POU6F2: variants seen among roughly 807,000 people sequenced by gnomAD.
POU6F2 encodes the protein POU class 6 homeobox 2.
In POU6F2, 31 loss-of-function variants were observed where a neutral mutation model predicts 71.3. The ratio of observed to expected loss-of-function variants is 0.43; its 90% CI spans 0.33 to 0.59. POU6F2 has a LOEUF of 0.59. Among genes scored for constraint, POU6F2 ranks in the 20% least tolerant of loss-of-function variants. The pLI is 0.04. For missense variants in POU6F2, 783 were observed against 856.8 expected, an observed-to-expected ratio of 0.91 and a Z score of 1.07; for synonymous variants, 347 against 355.7, an observed-to-expected ratio of 0.98 and a Z score of 0.27.
At chr7:38,995,253 G>C (rs549265308) in intron 1 of POU6F2, among the ~76,000 whole-genome samples, 7 of 152,112 alleles carry the variant, frequency 4.6e-5, no homozygotes, top group Non-Finnish European at 8.8e-5. Context: ...TACAAATCAG[G>C]ACAACTTAAT....
chr7:39,144,488 A>G (rs1485124652), intron 2 of POU6F2, among the ~76,000 whole-genome samples: 2 of 152,162 alleles, frequency 1.3e-5, no homozygotes, highest in East Asian at 1.9e-4. Context: ...ATTCTATCAC[A>G]ATTTTCATTC....
At chr7:39,230,279 G>A (rs1207361375) in intron 4 of POU6F2, among the ~76,000 whole-genome samples, 1 of 152,010 alleles carries the variant, frequency 6.6e-6, no homozygotes, top group Non-Finnish European at 1.5e-5. Flanking sequence ...CAGAGTCCAA[G>A]ACCAACCTGA....
chr7:38,980,919 CT>C (rs893499204), intron 1 of POU6F2, among the ~76,000 whole-genome samples: 6 of 152,294 alleles, frequency 3.9e-5, no homozygotes, highest in African/African-American at 1.4e-4. Flanking sequence ...GGACACAGCG[CT>C]GGCTTCACAG....
chr7:39,207,479 C>T lies in POU6F2; in HGVS notation c.457C>T (p.Pro153Ser). The change falls in exon 4 of 10, where the codon CCC becomes TCC. Residue 153 changes from proline to serine, a missense_variant. Physicochemically the swap from Pro to Ser is moderately conservative, Grantham distance 74 (BLOSUM62 -1). Transcript: ENST00000518318. ...PPALNQPILI[P>S]FNMAGQLGGQ... ...AGCCCTCAACCAGCCAATCCTCATT[C>T]CCTTCAACATGGCGGGACAGCTAGG... 2 of 1,614,016 alleles carry T rather than the reference C, an allele frequency of 1.2e-6. No individual in the cohort carries two copies. Among genetic ancestry groups the T allele is most frequent in the Non-Finnish European group, 1.7e-6 (2 of 1,179,882 alleles).
chr7:39,253,551 G>T (rs895543644), intron 4 of POU6F2, among the ~76,000 whole-genome samples: 16 of 152,218 alleles, frequency 1.1e-4, no homozygotes, highest in Admixed American at 3.3e-4. Context: ...ATGAGGGAAT[G>T]AAATTACAGA....
At chr7:39,311,721 G>T (rs1785169092) in intron 4 of POU6F2, among the ~76,000 whole-genome samples, 1 of 152,188 alleles carries the variant, frequency 6.6e-6, no homozygotes, top group South Asian at 2.1e-4. Context: ...AAAGCCACAG[G>T]CGAAGGCTGT....
chr7:39,251,996 T>G (rs555082907), intron 4 of POU6F2, among the ~76,000 whole-genome samples: 1 of 152,208 alleles, frequency 6.6e-6, no homozygotes, highest in African/African-American at 2.4e-5. Context: ...GCCTGTTGCC[T>G]CTGATCCATC....
chr7:39,192,354 C>T lies in POU6F2; in HGVS notation c.278-11881C>T, dbSNP rs573516508. Among the ~76,000 whole-genome samples the T allele has an allele frequency of 7.2e-5, 11 of 152,112 alleles. No individual in the cohort carries two copies. The South Asian group carries it at 1.9e-3, about 26-fold the overall frequency. On this transcript the variant is annotated intron_variant, in intron 2 of 9. Transcript: ENST00000518318. The stretch of plus-strand genomic sequence containing the variant: ...TTTAAGGGATTTAAAATTTTCATTC[C>T]CCTAATTTAAAGTGGTGCTTTGGCT...
intron 2 of POU6F2, among the ~76,000 whole-genome samples, chr7:39,118,166 A>G (rs1477658414): frequency 6.6e-6 from 1 of 152,176 alleles, no homozygotes; most frequent in African/African-American, 2.4e-5. Flanking sequence ...AGATTTTGAC[A>G]TTGAGTGTTC....
chr7:39,385,072 C>T (rs1032347038), intron 5 of POU6F2, among the ~76,000 whole-genome samples: 2 of 152,172 alleles, frequency 1.3e-5, no homozygotes, highest in Non-Finnish European at 2.9e-5. Flanking sequence ...ATATAATACT[C>T]ATAAGCAGAG....
chr7:39,260,152 A>C (rs1223268066), intron 4 of POU6F2, among the ~76,000 whole-genome samples: 9 of 146,934 alleles, frequency 6.1e-5, no homozygotes, highest in Non-Finnish European at 8.9e-5. Context: ...CTCTGTACTC[A>C]TACACACACC....
At chr7:39,171,504 A>C (rs1793218439) in intron 2 of POU6F2, among the ~76,000 whole-genome samples, 1 of 152,210 alleles carries the variant, frequency 6.6e-6, no homozygotes, top group African/African-American at 2.4e-5. Flanking sequence ...CATTGTTAGC[A>C]AGCATCTCTC....
At chr7:39,424,300 A>G (rs954321589) in intron 6 of POU6F2, among the ~76,000 whole-genome samples, 2 of 152,198 alleles carry the variant, frequency 1.3e-5, no homozygotes, top group Non-Finnish European at 2.9e-5. Context: ...GCTGGAGATA[A>G]CATTTTGCAC....
chr7:39,139,446 C>A (rs980737178), intron 2 of POU6F2, among the ~76,000 whole-genome samples: 3 of 152,164 alleles, frequency 2.0e-5, no homozygotes, highest in African/African-American at 7.2e-5. Context: ...TAGAAACAAC[C>A]ATCACTCTTG....
intron 8 of POU6F2, among the ~76,000 whole-genome samples, chr7:39,455,982 G>A (rs1343586187): frequency 2.6e-5 from 4 of 152,196 alleles, no homozygotes; most frequent in Non-Finnish European, 5.9e-5. Context: ...CCCCAGGCCA[G>A]TTAATTCCTC....
chr7:39,467,722 A>G lies in POU6F2; in HGVS notation c.*3036A>G, dbSNP rs1389630123. ...ATCACACAGATGCACACACACATAC[A>G]CATACAACACAAAAGAGAGAACAAA... is the stretch of plus-strand genomic sequence containing the variant. On this transcript the variant is annotated 3_prime_UTR_variant, in exon 10 of 10. Coordinates refer to ENST00000518318, the MANE Select transcript of POU6F2 (RefSeq NM_001370959.1). 1 of 152,220 alleles carries G rather than the reference A, an allele frequency of 6.6e-6. No individual in the cohort carries two copies. The highest frequency in any genetic ancestry group is 1.5e-5 in the Non-Finnish European group (1 of 68,048). 9.4% of individuals were successfully genotyped at this position (152,220 alleles called of 1,614,324 possible).
intron 1 of POU6F2, among the ~76,000 whole-genome samples, chr7:39,056,378 G>A (rs775848354): frequency 6.6e-6 from 1 of 151,734 alleles, no homozygotes; most frequent in Non-Finnish European, 1.5e-5. Flanking sequence ...TTTTATAGAG[G>A]TTATTCTTTC....
intron 2 of POU6F2, among the ~76,000 whole-genome samples, chr7:39,102,623 AAT>A (rs749207949): frequency 6.6e-6 from 1 of 151,308 alleles, no homozygotes; most frequent in Admixed American, 6.6e-5. Context: ...GACAGAGGTA[AAT>A]ATATATATAT....
At chr7:39,078,621 A>G (rs1791044481) in intron 1 of POU6F2, among the ~76,000 whole-genome samples, 1 of 152,204 alleles carries the variant, frequency 6.6e-6, no homozygotes, top group Non-Finnish European at 1.5e-5. Context: ...ATGAATATCA[A>G]TTAAGGCAAC....
Sources: allele counts gnomAD v4.1 joint callset (sites outside exome capture counted in the v4.1 genomes callset), GRCh38; gene constraint gnomAD v4.1.1; transcripts MANE v1.5; gene names NCBI Gene and HGNC (gene_info 2026-07-23, HGNC 2026-07-21).